GJB7: variants seen among roughly 807,000 people sequenced by gnomAD.
GJB7 encodes the protein gap junction beta-7 protein.
For missense variants in GJB7, 253 were observed against 256.8 expected, an observed-to-expected ratio of 0.99 and a Z score of 0.10; for synonymous variants, 87 against 95.2, an observed-to-expected ratio of 0.91 and a Z score of 0.50.
intron 2 of GJB7, among the ~76,000 whole-genome samples, chr6:87,296,256 A>G (rs1235766953): frequency 6.6e-6 from 1 of 152,214 alleles, no homozygotes; most frequent in Non-Finnish European, 1.5e-5. Context: ...AACAAACAAA[A>G]AATTGATCTC....
chr6:87,312,130 G>A (rs1375360730), intron 2 of GJB7, among the ~76,000 whole-genome samples: 1 of 152,038 alleles, frequency 6.6e-6, no homozygotes, highest in African/African-American at 2.4e-5. Flanking sequence ...ATGTTCACTT[G>A]TGAAAATCCA....
chr6:87,327,294 A>C (rs1353159412), intron 1 of GJB7, among the ~76,000 whole-genome samples: 3 of 150,324 alleles, frequency 2.0e-5, no homozygotes, highest in Non-Finnish European at 4.4e-5. Flanking sequence ...TTATGTGTGA[A>C]TTTGATCCTG....
chr6:87,315,794 T>TAA (rs1776570152), intron 2 of GJB7, among the ~76,000 whole-genome samples: 1 of 76,142 alleles, frequency 1.3e-5, no homozygotes, highest in African/African-American at 8.4e-5. Context: ...AGACTCTATC[T>TAA]CAAAAAAAAA....
intron 2 of GJB7, 31 bp from the exon 3 acceptor site, chr6:87,284,970 A>T: frequency 7.7e-7 from 1 of 1,304,534 alleles, no homozygotes; most frequent in Non-Finnish European, 1.1e-6. Context: ...ATCAGGATCC[A>T]TTTATTTCTA....
chr6:87,291,846 T>A (rs933199915), intron 2 of GJB7: 1 of 152,142 alleles, frequency 6.6e-6, no homozygotes, highest in Admixed American at 6.5e-5. Flanking sequence ...AAATGCAATT[T>A]TCCCATTAAA....
At chr6:87,326,083 G>C (rs143142061) in intron 1 of GJB7, among the ~76,000 whole-genome samples, 10,369 of 152,198 alleles carry the variant, frequency 0.068, 724 homozygotes, top group African/African-American at 0.18. Flanking sequence ...TCTGATGGTA[G>C]TTTGTATTTC....
chr6:87,303,015 C>G (rs1490104382), intron 2 of GJB7, among the ~76,000 whole-genome samples: 1 of 152,216 alleles, frequency 6.6e-6, no homozygotes, highest in East Asian at 1.9e-4. Flanking sequence ...TCTACAAGAG[C>G]TCCTGAAGAA....
At chr6:87,302,172 G>T (rs1200570780) in intron 2 of GJB7, among the ~76,000 whole-genome samples, 1 of 152,236 alleles carries the variant, frequency 6.6e-6, no homozygotes, top group East Asian at 1.9e-4. Flanking sequence ...AACAAAGCTG[G>T]ATGGAGAGTG....
intron 2 of GJB7, among the ~76,000 whole-genome samples, chr6:87,321,173 C>T (rs745378380): frequency 9.5e-5 from 14 of 147,392 alleles, no homozygotes; most frequent in Non-Finnish European, 2.1e-4. Flanking sequence ...GAGCCGAGAT[C>T]ATGCCACTGC....
intron 2 of GJB7, chr6:87,322,433 G>A (rs915744541): frequency 1.3e-5 from 2 of 152,304 alleles, no homozygotes; most frequent in African/African-American, 4.8e-5. Context: ...CAGACCCCAA[G>A]GAGGGGCGCG....
intron 2 of GJB7, among the ~76,000 whole-genome samples, chr6:87,289,343 G>A (rs1168522986): frequency 6.6e-6 from 1 of 152,110 alleles, no homozygotes; most frequent in Non-Finnish European, 1.5e-5. Flanking sequence ...TATCTGTACA[G>A]ACCACATGTT....
chr6:87,289,207 C>G (rs766222614), intron 2 of GJB7, among the ~76,000 whole-genome samples: 13 of 152,198 alleles, frequency 8.5e-5, no homozygotes, highest in African/African-American at 1.2e-4. Flanking sequence ...TAACCTGAAT[C>G]AGAGTGGCTT....
intron 2 of GJB7, among the ~76,000 whole-genome samples, chr6:87,302,381 G>A (rs997910711): frequency 5.3e-5 from 8 of 152,184 alleles, no homozygotes; most frequent in Non-Finnish European, 7.4e-5. Flanking sequence ...CATAACCAAT[G>A]CACAAGCTTC....
intron 2 of GJB7, among the ~76,000 whole-genome samples, chr6:87,319,576 A>C (rs1483376802): frequency 3.9e-5 from 6 of 152,256 alleles, no homozygotes; most frequent in African/African-American, 1.4e-4. Flanking sequence ...TAGCTACTGC[A>C]GTAACAGCTT....
Position 87,284,132 on chromosome 6 carries a change from G to A in GJB7, c.*109C>T, listed in dbSNP as rs1776016486. 2.3e-6 allele frequency: 2 copies of A among 856,434 alleles called. No homozygotes were observed. The highest frequency in any genetic ancestry group is 3.7e-6 in the Non-Finnish European group (2 of 543,214). The allele number at this position is 856,434 out of a possible 1,614,324, so 53.1% of individuals were successfully genotyped here. The stretch of plus-strand genomic sequence containing the variant: ...GTTTAACCCTCTTGTGTGTCACAGA[G>A]TAGCTTTGCTTCAGGTAGAGGGAGT... On this transcript the variant is annotated 3_prime_UTR_variant, in exon 3 of 3. Transcript: ENST00000525899.
chr6:87,300,679 G>A (rs1776307952), intron 2 of GJB7, among the ~76,000 whole-genome samples: 2 of 152,234 alleles, frequency 1.3e-5, no homozygotes, highest in Admixed American at 1.3e-4. Context: ...AAGGACATTT[G>A]TGCATTCCTG....
intron 2 of GJB7, among the ~76,000 whole-genome samples, chr6:87,309,776 C>A (rs566430552): frequency 5.8e-4 from 88 of 152,278 alleles, no homozygotes; most frequent in African/African-American, 2.1e-3. Flanking sequence ...AGTATCCTTT[C>A]TATAGGAAGC....
In GJB7 at chr6:87,299,193, C is replaced by T; in HGVS notation, c.-27-14254G>A. 4.5e-6 allele frequency: 2 copies of T among 447,188 alleles called. 1 individual carries two copies. Among genetic ancestry groups the T allele is most frequent in the South Asian group, 3.4e-5 (2 of 59,158 alleles). The allele number at this position is 447,188 out of a possible 1,614,324, so 27.7% of individuals were successfully genotyped here. On this transcript the variant is annotated intron_variant, in intron 2 of 2. Coordinates refer to ENST00000525899, the MANE Select transcript of GJB7 (RefSeq NM_198568.3). ...GTGGAAATCAGAAGTGTGATGTTAG[C>T]TGTTGATGTTATAATTGCTGAACTT...
At chr6:87,299,307 C>A (rs1228203246) in intron 2 of GJB7, 8 of 482,162 alleles carry the variant, frequency 1.7e-5, no homozygotes, top group Non-Finnish European at 2.9e-5. Flanking sequence ...TTGTCAACAT[C>A]ATTTCTGATG....
Sources: gnomAD v4.1 joint callset for allele counts (sites outside exome capture counted in the v4.1 genomes callset) on GRCh38, gnomAD v4.1.1 for gene constraint, MANE v1.5 for transcripts, NCBI Gene and HGNC (gene_info 2026-07-23, HGNC 2026-07-21) for gene names.